Variants in ENGASE observed in about 807,000 individuals in gnomAD.
ENGASE encodes the protein endo-beta-N-acetylglucosaminidase.
Under a neutral mutation model 78.5 loss-of-function variants are expected in ENGASE, and 69 were observed. The ratio of observed to expected loss-of-function variants is 0.88; its 90% CI spans 0.72 to 1.07. The LOEUF (loss-of-function observed/expected upper bound fraction) is 1.07. Among genes scored for constraint, ENGASE ranks in the 50% least tolerant of loss-of-function variants. ENGASE has a pLI of 0.00. For synonymous variants in ENGASE, 408 were observed against 408.9 expected, an observed-to-expected ratio of 1.00 and a Z score of 0.03; for missense variants, 943 against 988.4, an observed-to-expected ratio of 0.95 and a Z score of 0.62.
At position 79,087,607 on chromosome 17, in the gene ENGASE, G is replaced by C. The variant is rs535779637; in HGVS notation, c.*1258G>C. 2.3e-4 allele frequency: 35 copies of C among 154,934 alleles called. No individual in the cohort carries two copies. Among genetic ancestry groups the C allele is most frequent in the African/African-American group, 6.0e-4 (25 of 41,522 alleles). 9.6% of individuals were successfully genotyped at this position (154,934 alleles called of 1,614,324 possible). On this transcript the variant is annotated 3_prime_UTR_variant, in exon 14 of 14. Coordinates refer to ENST00000579016, the MANE Select transcript of ENGASE (RefSeq NM_001042573.3). The stretch of plus-strand genomic sequence containing the variant: ...GTGGCCTGAAGTCCCTCGCTTTTGG[G>C]GGGGGGGTCTCTCACCCCCAGGCCA...
chr17:79,085,157 G>A (rs984191431), intron 11 of ENGASE, 77 bp from the exon 12 acceptor site: 2 of 1,167,134 alleles, frequency 1.7e-6, no homozygotes, highest in Non-Finnish European at 2.6e-6. Flanking sequence ...TGGACTCCTG[G>A]GGCGCCCTTG....
At chr17:79,084,435 G>T in intron 10 of ENGASE, 103 bp from the exon 11 acceptor site, 1 of 1,212,290 alleles carries the variant, frequency 8.2e-7, no homozygotes, top group Non-Finnish European at 1.1e-6. Context: ...TGGCACCCAG[G>T]CCCCCTGTTC....
intron 3 of ENGASE, among the ~76,000 whole-genome samples, chr17:79,078,139 A>G (rs191800730): frequency 2.6e-5 from 4 of 152,294 alleles, no homozygotes; most frequent in Non-Finnish European, 2.9e-5. Flanking sequence ...CAGGAGTTTG[A>G]GACCAGCCTG....
intron 3 of ENGASE, among the ~76,000 whole-genome samples, chr17:79,079,122 G>T (rs531322267): frequency 6.6e-6 from 1 of 152,172 alleles, no homozygotes; most frequent in Admixed American, 6.5e-5. Context: ...ACACCCTGCG[G>T]TCTCCGTGTC....
chr17:79,082,474 G>C (rs2073170841), intron 7 of ENGASE: 1 of 1,205,372 alleles, frequency 8.3e-7, no homozygotes, highest in Non-Finnish European at 1.0e-6. Flanking sequence ...CCCAGGGTTT[G>C]GGGATCGGTA....
chr17:79,076,214 G>A lies in ENGASE; in HGVS notation c.146+1124G>A, dbSNP rs377109547. Among the ~76,000 whole-genome samples, 58 of 152,338 alleles carry A rather than the reference G, an allele frequency of 3.8e-4. 1 individual carries two copies. The highest frequency in any genetic ancestry group is 1.7e-3 in the South Asian group (8 of 4,832). ...GTTGGTAGATTTAGGGAATCTCAAC[G>A]TTGGTGCCATGGCCTCTAAATAGCC... On this transcript the variant is annotated intron_variant, in intron 1 of 13. Transcript: ENST00000579016.
At chr17:79,076,939 C>A (rs1020205765) in intron 1 of ENGASE, among the ~76,000 whole-genome samples, 6 of 152,110 alleles carry the variant, frequency 3.9e-5, no homozygotes, top group African/African-American at 1.4e-4. Context: ...GTGGCACAGT[C>A]CCGGCTCACT....
rs375589820 is a variant in ENGASE at position 79,077,715 on chromosome 17, G to T, written c.267G>T (p.Ser89=). 6.2e-7 allele frequency: 1 copy of T among 1,614,166 alleles called. No homozygotes were observed. Among genetic ancestry groups the T allele is most frequent in the Admixed American group, 1.7e-5 (1 of 60,026 alleles). ...TTKPISFYLS[S]LEELLAWKPR... is the part of the protein sequence containing the mutation. ...AACCAATCAGCTTTTACTTGTCTTC[G>T]CTGGAGGAGCTCTTGGCGTGGAAGC... The change falls in exon 3 of 14, where the codon TCG becomes TCT. Residue 89 remains serine, a synonymous_variant. Transcript: ENST00000579016.
chr17:79,085,432 T>C, intron 12 of ENGASE, 90 bp downstream of exon 12: 2 of 1,345,382 alleles, frequency 1.5e-6, no homozygotes, highest in East Asian at 2.5e-5. Context: ...GGCCCTGGGC[T>C]GGCCCCCAGG....
rs1366779901 is a variant in ENGASE, at chr17:79,084,642, G to A, written c.1547G>A (p.Gly516Glu). The A allele has an allele frequency of 6.2e-7, 1 of 1,613,422 alleles. No homozygotes were observed. Among genetic ancestry groups the A allele is most frequent in the African/African-American group, 1.3e-5 (1 of 74,982 alleles). Reference protein sequence around the residue: ...DVTVALELTTGDAGSCHIGGI... With the variant: ...DVTVALELTTEDAGSCHIGGI... ...ACAGTTGCTTTGGAGCTGACCACAG[G>A]GGATGCCGGCAGCTGCCACATCGGT... is the stretch of plus-strand genomic sequence containing the variant. Residue 516 changes from glycine to glutamate, a missense_variant, in exon 11 of 14, where the codon GGG (glycine) becomes GAG (glutamate). Transcript: ENST00000579016.
rs759564365 is a variant in ENGASE at position 79,087,025 on chromosome 17, T to C, written c.*676T>C. 2.0e-6 allele frequency: 1 copy of C among 498,784 alleles called. No individual in the cohort carries two copies. Among genetic ancestry groups the C allele is most frequent in the East Asian group, 5.8e-5 (1 of 17,382 alleles). 30.9% of individuals were successfully genotyped at this position (498,784 alleles called of 1,614,324 possible). On this transcript the variant is annotated 3_prime_UTR_variant, in exon 14 of 14. Coordinates refer to ENST00000579016, the MANE Select transcript of ENGASE (RefSeq NM_001042573.3). Reference sequence around the variant, plus strand: ...TACTGTGCTGCTGAGTGTGAGGTCATCTCCGGAGCGTTTTCAGCAGCCCCT... The same window carrying C: ...TACTGTGCTGCTGAGTGTGAGGTCACCTCCGGAGCGTTTTCAGCAGCCCCT...
chr17:79,085,844 G>A, intron 13 of ENGASE, 89 bp from the exon 14 acceptor site: 2 of 1,587,866 alleles, frequency 1.3e-6, no homozygotes, highest in Non-Finnish European at 1.7e-6. Context: ...GAACTGGGGT[G>A]GAGGAGTCAG....
intron 3 of ENGASE, among the ~76,000 whole-genome samples, chr17:79,078,498 C>T (rs55723435): frequency 3.3e-5 from 5 of 152,252 alleles, no homozygotes; most frequent in Admixed American, 1.3e-4. Context: ...GCTGCCTGTC[C>T]GCAGCCTCAC....
chr17:79,081,935 T>C lies in ENGASE; in HGVS notation c.910T>C (p.Tyr304His), dbSNP rs781332098. 6.2e-7 allele frequency: 1 copy of C among 1,614,084 alleles called. No individual in the cohort carries two copies. Among genetic ancestry groups the C allele is most frequent in the South Asian group, 1.1e-5 (1 of 91,082 alleles). The change falls in exon 7 of 14, where the codon TAT (tyrosine) becomes CAT (histidine). Residue 304 changes from tyrosine (Y) to histidine (H), a missense_variant. Transcript: ENST00000579016. ...TTCCTGCGACGGCTTCTTCACTAAC[T>C]ATAACTGGCGGGAGGAGCACTTGGA... is the stretch of plus-strand genomic sequence containing the variant. ...FDSCDGFFTN[Y>H]NWREEHLERM...
At chr17:79,079,431 G>A in intron 3 of ENGASE, 58 bp from the exon 4 acceptor site, 1 of 1,574,110 alleles carries the variant, frequency 6.4e-7, no homozygotes, top group East Asian at 2.3e-5. Context: ...GCCTGCCAAA[G>A]TGCTGGGAAT....
At chr17:79,080,590 C>T (rs2073102783) in intron 5 of ENGASE, among the ~76,000 whole-genome samples, 1 of 152,248 alleles carries the variant, frequency 6.6e-6, no homozygotes, top group Admixed American at 6.5e-5. Flanking sequence ...CCGGCTCCCA[C>T]GTTTCCCGCC....
rs2073373537 is a variant in ENGASE at position 79,087,844 on chromosome 17, G to A, written c.*1495G>A. ...GTACTCAGCAGCCACTCTGAGCCGG[G>A]GCTCCTTCCAGGAGCTGAAATCCAC... On this transcript the variant is annotated 3_prime_UTR_variant, in exon 14 of 14. Transcript: ENST00000579016. 1 of 152,220 alleles carries A rather than the reference G, an allele frequency of 6.6e-6. No individual in the cohort carries two copies. Among genetic ancestry groups the A allele is most frequent in the African/African-American group, 2.4e-5 (1 of 41,428 alleles). 9.4% of individuals were successfully genotyped at this position (152,220 alleles called of 1,614,324 possible). A position where few individuals can be genotyped will look rare whatever the true frequency, so the allele number is the denominator to read the frequency against.
chr17:79,081,094 T>A, intron 6 of ENGASE, 21 bp downstream of exon 6: 1 of 1,326,078 alleles, frequency 7.5e-7, no homozygotes, highest in South Asian at 1.2e-5. Context: ...AGACAGGTGC[T>A]GTGAGGGGGC....
In ENGASE at chr17:79,077,777, C is replaced by G. The variant is rs765142803; in HGVS notation, c.329C>G (p.Pro110Arg). 1 of 1,614,114 alleles carries G rather than the reference C, an allele frequency of 6.2e-7. No individual in the cohort carries two copies. Among genetic ancestry groups the G allele is most frequent in the Non-Finnish European group, 8.5e-7 (1 of 1,180,040 alleles). Reference sequence around the variant, plus strand: ...GATGGCTTTAATGTGGCCCTGGAGCCCCTGGCGTGTCGCCAGCCCCCTCTG... The same window carrying G: ...GATGGCTTTAATGTGGCCCTGGAGCGCCTGGCGTGTCGCCAGCCCCCTCTG... ...LEDGFNVALE[P>R]LACRQPPLSS... Residue 110 changes from proline (P) to arginine (R), a missense_variant, in exon 3 of 14, where the codon CCC becomes CGC. By Grantham distance (103) the Pro-to-Arg change is moderately radical. Coordinates refer to ENST00000579016, the MANE Select transcript of ENGASE (RefSeq NM_001042573.3).
Sources: allele counts gnomAD v4.1 joint callset (sites outside exome capture counted in the v4.1 genomes callset), GRCh38; gene constraint gnomAD v4.1.1; transcripts MANE v1.5; gene names NCBI Gene and HGNC (gene_info 2026-07-23, HGNC 2026-07-21).